Variants in DDAH1 observed in about 807,000 individuals in gnomAD.
DDAH1 encodes the protein dimethylarginine dimethylaminohydrolase 1.
A neutral mutation model predicts 28.8 loss-of-function variants in DDAH1; 19 were observed. The ratio of observed to expected loss-of-function variants is 0.66; its 90% CI spans 0.46 to 0.97. The LOEUF (loss-of-function observed/expected upper bound fraction) is 0.97. Among genes scored for constraint, DDAH1 ranks in the 50% least tolerant of loss-of-function variants. The pLI is 0.00. For synonymous variants in DDAH1, 153 were observed against 154.4 expected (o/e 0.99, Z 0.07); for missense variants, 326 against 375.9 (o/e 0.87, Z 1.10).
At chr1:85,338,583 A>T (rs1312194161) in intron 4 of DDAH1, among the ~76,000 whole-genome samples, 1 of 152,218 alleles carries the variant, frequency 6.6e-6, no homozygotes, top group Non-Finnish European at 1.5e-5. Context: ...GTGTTCTCAC[A>T]GCGTATGGAT....
intron 1 of DDAH1, chr1:85,577,949 A>T (rs1289620315): frequency 7.1e-6 from 7 of 984,896 alleles, no homozygotes; most frequent in Non-Finnish European, 8.4e-6. Context: ...CTAGCAAAAG[A>T]GCCATACAGA....
intron 1 of DDAH1, among the ~76,000 whole-genome samples, chr1:85,419,669 T>C (rs907498552): frequency 6.6e-6 from 1 of 152,030 alleles, no homozygotes; most frequent in East Asian, 1.9e-4. Flanking sequence ...TGCAAATGCA[T>C]TCCCCTATTA....
intron 1 of DDAH1, among the ~76,000 whole-genome samples, chr1:85,419,540 T>TAAAAAAAA (rs141947699): frequency 0.019 from 1,526 of 81,378 alleles, 98 homozygotes; most frequent in African/African-American, 0.077. Context: ...AACTCCATCT[T>TAAAAAAAA]AAAAAAAAAA....
upstream of DDAH1, chr1:85,467,505 T>C (rs1655428823): frequency 6.6e-6 from 1 of 152,264 alleles, no homozygotes; most frequent in Non-Finnish European, 1.5e-5. Context: ...TTCTAATTTG[T>C]CTAGTTTTGA....
intron 1 of DDAH1, among the ~76,000 whole-genome samples, chr1:85,417,935 C>T (rs1652954996): frequency 6.6e-6 from 1 of 152,214 alleles, no homozygotes; most frequent in Non-Finnish European, 1.5e-5. Context: ...CATATATTTA[C>T]ATACCACATA....
chr1:85,321,631 G>A (rs1661349351), intron 5 of DDAH1, 63 bp from the exon 6 acceptor site: 3 of 1,274,058 alleles, frequency 2.4e-6, no homozygotes, highest in African/African-American at 3.0e-5. Context: ...CTCAGAAGTG[G>A]AGAATCAATT....
intron 2 of DDAH1, among the ~76,000 whole-genome samples, chr1:85,474,336 G>A (rs1655721004): frequency 6.6e-6 from 1 of 152,136 alleles, no homozygotes; most frequent in Non-Finnish European, 1.5e-5. Flanking sequence ...TAGCTTCCCA[G>A]TATCCTCAGA....
chr1:85,453,645 T>C (rs901583546), intron 1 of DDAH1, among the ~76,000 whole-genome samples: 1 of 152,228 alleles, frequency 6.6e-6, no homozygotes, highest in Non-Finnish European at 1.5e-5. Context: ...CATCCATATA[T>C]ACTTTGTCAG....
chr1:85,512,070 C>G (rs1342971326), intron 1 of DDAH1, among the ~76,000 whole-genome samples: 2 of 152,212 alleles, frequency 1.3e-5, no homozygotes, highest in Non-Finnish European at 2.9e-5. Context: ...AGACCAATAT[C>G]TCTGATGAAC....
At chr1:85,365,237 C>T (rs1650011269) in intron 1 of DDAH1, among the ~76,000 whole-genome samples, 1 of 152,146 alleles carries the variant, frequency 6.6e-6, no homozygotes, top group Non-Finnish European at 1.5e-5. Context: ...TTGTGTTATT[C>T]TTTCCTACAC....
At chr1:85,372,915 G>C (rs1044612265) in intron 1 of DDAH1, among the ~76,000 whole-genome samples, 1 of 152,102 alleles carries the variant, frequency 6.6e-6, no homozygotes, top group East Asian at 1.9e-4. Flanking sequence ...GAACAGGAAT[G>C]TGCGTGTTAT....
At chr1:85,537,172 A>G (rs1275192655) in intron 1 of DDAH1, among the ~76,000 whole-genome samples, 3 of 151,572 alleles carry the variant, frequency 2.0e-5, no homozygotes, top group Non-Finnish European at 4.4e-5. Flanking sequence ...TCTCTACAAA[A>G]AAATACAAAA....
At chr1:85,497,750 A>C (rs1656650544) in intron 1 of DDAH1, among the ~76,000 whole-genome samples, 1 of 152,220 alleles carries the variant, frequency 6.6e-6, no homozygotes, top group Non-Finnish European at 1.5e-5. Flanking sequence ...TCTACATAAA[A>C]AATAAGATTA....
chr1:85,361,453 T>C (rs1053762115), intron 1 of DDAH1, among the ~76,000 whole-genome samples: 10 of 152,170 alleles, frequency 6.6e-5, no homozygotes, highest in Admixed American at 3.3e-4. Flanking sequence ...AACTTAGCAT[T>C]ACTCAGAGAA....
intron 1 of DDAH1, among the ~76,000 whole-genome samples, chr1:85,502,902 C>T (rs1656869414): frequency 6.6e-6 from 1 of 152,152 alleles, no homozygotes; most frequent in African/African-American, 2.4e-5. Flanking sequence ...CTCTGCCTGC[C>T]TTTGTCTCCT....
chr1:85,510,785 C>A (rs59820215), intron 1 of DDAH1, among the ~76,000 whole-genome samples: 50,762 of 151,682 alleles, frequency 0.33, 8,974 homozygotes, highest in Admixed American at 0.46. Flanking sequence ...GGATCAATTC[C>A]ACAAGAAGAG....
chr1:85,394,292 C>A (rs1651700480), intron 1 of DDAH1, among the ~76,000 whole-genome samples: 1 of 152,166 alleles, frequency 6.6e-6, no homozygotes, highest in South Asian at 2.1e-4. Flanking sequence ...TGAGGTCACG[C>A]CTGTGTTTTA....
At chr1:85,455,051 G>C (rs67644506) in intron 1 of DDAH1, among the ~76,000 whole-genome samples, 18,521 of 152,186 alleles carry the variant, frequency 0.12, 1,187 homozygotes, top group East Asian at 0.25. Context: ...ATGGCATGCA[G>C]AAAGTTAGAA....
At chr1:85,415,096 C>T (rs952581100) in intron 1 of DDAH1, among the ~76,000 whole-genome samples, 1 of 142,948 alleles carries the variant, frequency 7.0e-6, no homozygotes, top group African/African-American at 2.6e-5. Context: ...CTCACTGCAA[C>T]CTCCGCCTCC....
Sources: allele counts gnomAD v4.1 joint callset (sites outside exome capture counted in the v4.1 genomes callset), GRCh38; gene constraint gnomAD v4.1.1; transcripts MANE v1.5; gene names NCBI Gene and HGNC (gene_info 2026-07-23, HGNC 2026-07-21).